The following COG5 variants were observed in gnomAD, a reference collection of about 807,000 sequenced individuals.
COG5 encodes the protein conserved oligomeric Golgi complex subunit 5.
A neutral mutation model predicts 110.4 loss-of-function variants in COG5; 86 were observed. That is an observed-to-expected ratio of 0.78 (90% CI 0.65 to 0.93). The LOEUF (loss-of-function observed/expected upper bound fraction) is 0.93, where lower values mean the gene tolerates loss of function less well. Among genes scored for constraint, COG5 ranks in the 40% least tolerant of loss-of-function variants. COG5 has a pLI of 0.00. For synonymous variants in COG5, 360 were observed against 334.6 expected, an observed-to-expected ratio of 1.08 and a Z score of -0.83; for missense variants, 1,077 against 987.0, an observed-to-expected ratio of 1.09 and a Z score of -1.22.
At chr7:107,340,830 T>C (rs993684068) in intron 10 of COG5, among the ~76,000 whole-genome samples, 2 of 151,856 alleles carry the variant, frequency 1.3e-5, no homozygotes, top group Non-Finnish European at 2.9e-5. Context: ...TGAAATCTAA[T>C]ATCCTTCATA....
intron 10 of COG5, among the ~76,000 whole-genome samples, chr7:107,351,343 A>T (rs1270195512): frequency 6.6e-6 from 1 of 152,218 alleles, no homozygotes; most frequent in African/African-American, 2.4e-5. Flanking sequence ...TTAGACCTAA[A>T]ACCATAAAAA....
intron 8 of COG5, among the ~76,000 whole-genome samples, chr7:107,365,529 A>G (rs1447384242): frequency 7.5e-6 from 1 of 133,936 alleles, no homozygotes; most frequent in African/African-American, 2.7e-5. Flanking sequence ...CTATCTAAGG[A>G]TTCTTTGATT....
In COG5 at chr7:107,463,606, C is replaced by T. The variant is rs1370760760; in HGVS notation, c.539-50974G>A. Among the ~76,000 whole-genome samples the T allele has an allele frequency of 2.6e-5, 4 of 152,204 alleles. No homozygotes were observed. In the East Asian group the frequency reaches 7.7e-4, roughly 29 times the overall value. On this transcript the variant is annotated intron_variant, in intron 6 of 21. Transcript: ENST00000297135. ...ATAGTACACTGAATAGGCCCAGAGG[C>T]TCCATCTACATTTTAGCTTTTTAAA...
intron 17 of COG5, among the ~76,000 whole-genome samples, chr7:107,247,176 T>TA (rs755103815): frequency 1.1e-4 from 17 of 152,064 alleles, no homozygotes; most frequent in Non-Finnish European, 1.8e-4. Context: ...AATGAGAACT[T>TA]ACGAACACAA....
At chr7:107,415,138 G>C (rs959536305) in intron 6 of COG5, among the ~76,000 whole-genome samples, 4 of 152,114 alleles carry the variant, frequency 2.6e-5, no homozygotes, top group African/African-American at 9.7e-5. Flanking sequence ...TCACCACAAT[G>C]TTAGCACTAA....
rs546006858 is a variant in COG5, at chr7:107,299,191, A to G, written c.1109-845T>C. 1.2e-3 allele frequency among the ~76,000 whole-genome samples: 182 copies of G among 152,262 alleles called. 2 individuals carry two copies. The highest frequency in any genetic ancestry group is 4.2e-3 in the African/African-American group (173 of 41,584). On this transcript the variant is annotated intron_variant, in intron 11 of 21. Transcript: ENST00000297135. The stretch of plus-strand genomic sequence containing the variant: ...TAAAATAATAAAGCTCTGAGAACAG[A>G]TATCAATGAACCAGAAAATGAAAAC...
intron 10 of COG5, among the ~76,000 whole-genome samples, chr7:107,333,340 T>C (rs1810433569): frequency 6.6e-6 from 1 of 152,056 alleles, no homozygotes. Context: ...AAGAAAGCTA[T>C]GGAAATTAAA....
At chr7:107,283,800 G>A in intron 12 of COG5, 68 bp from the exon 13 acceptor site, 2 of 1,130,098 alleles carry the variant, frequency 1.8e-6, no homozygotes, top group Non-Finnish European at 2.7e-6. Flanking sequence ...GTATCAGGCT[G>A]TAAATACCTT....
At chr7:107,439,279 GA>G (rs150462914) in intron 6 of COG5, among the ~76,000 whole-genome samples, 44,670 of 147,822 alleles carry the variant, frequency 0.3, 6,763 homozygotes, top group Non-Finnish European at 0.34. Context: ...GCTTATAAAA[GA>G]AAAAAAAAAA....
chr7:107,290,152 T>G (rs918288718), intron 12 of COG5, among the ~76,000 whole-genome samples: 3 of 152,214 alleles, frequency 2.0e-5, no homozygotes, highest in African/African-American at 7.2e-5. Context: ...TTCTTTCACA[T>G]GTAACATGTG....
intron 16 of COG5, 145 bp downstream of exon 16, chr7:107,256,587 A>G (rs1802895200): frequency 3.1e-6 from 2 of 643,604 alleles, no homozygotes; most frequent in East Asian, 2.8e-5. Context: ...CTTGTTATCT[A>G]TTCTCTTTAG....
chr7:107,267,941 G>C lies in COG5; in HGVS notation c.1576-9558C>G, dbSNP rs529431332. ...TGTAATTAAATCTATAATCTTACATGCATTATTACTTTTCGTAGTAAGAAA... is the reference window on the plus strand; with the variant it reads ...TGTAATTAAATCTATAATCTTACATCCATTATTACTTTTCGTAGTAAGAAA... On this transcript the variant is annotated intron_variant, in intron 14 of 21. Coordinates refer to ENST00000297135, the MANE Select transcript of COG5 (RefSeq NM_006348.5). Among the ~76,000 whole-genome samples, 43 of 152,210 alleles carry C rather than the reference G, an allele frequency of 2.8e-4. No individual in the cohort carries two copies. The South Asian group carries it at 6.4e-3, about 23-fold the overall frequency.
intron 17 of COG5, among the ~76,000 whole-genome samples, chr7:107,244,946 T>C (rs1202684901): frequency 6.6e-6 from 1 of 152,154 alleles, no homozygotes; most frequent in African/African-American, 2.4e-5. Context: ...CCAACCCTCA[T>C]TCTATGAGGC....
intron 7 of COG5, among the ~76,000 whole-genome samples, chr7:107,409,230 GAA>G (rs11366303): frequency 0.028 from 2,973 of 104,958 alleles, 38 homozygotes; most frequent in African/African-American, 0.054. Context: ...CAACGTCAAG[GAA>G]AAAAAAAAAA....
chr7:107,492,261 C>A (rs1798019978), intron 6 of COG5, among the ~76,000 whole-genome samples: 1 of 151,070 alleles, frequency 6.6e-6, no homozygotes, highest in African/African-American at 2.4e-5. Flanking sequence ...CTTCAAAAAT[C>A]ATTCTTCTTC....
chr7:107,399,570 C>T (rs932619688), intron 7 of COG5, among the ~76,000 whole-genome samples: 4 of 152,266 alleles, frequency 2.6e-5, no homozygotes, highest in African/African-American at 7.2e-5. Flanking sequence ...CATGATTATA[C>T]GTTTCCTGAG....
intron 19 of COG5, among the ~76,000 whole-genome samples, chr7:107,220,370 A>G (rs1448685790): frequency 2.6e-5 from 4 of 152,176 alleles, no homozygotes; most frequent in African/African-American, 4.8e-5. Flanking sequence ...TCACTTAGCT[A>G]CTTGAAGCAT....
At chr7:107,226,991 G>A (rs897631887) in intron 19 of COG5, among the ~76,000 whole-genome samples, 2 of 152,132 alleles carry the variant, frequency 1.3e-5, no homozygotes, top group African/African-American at 2.4e-5. Context: ...GAGCTAAGAC[G>A]TCATCTGCAG....
At chr7:107,437,366 A>G (rs533361748) in intron 6 of COG5, among the ~76,000 whole-genome samples, 1 of 152,298 alleles carries the variant, frequency 6.6e-6, no homozygotes, top group East Asian at 1.9e-4. Flanking sequence ...CATCATTTTA[A>G]AACAACAAGC....
Sources: gnomAD v4.1 joint callset for allele counts (sites outside exome capture counted in the v4.1 genomes callset) on GRCh38, gnomAD v4.1.1 for gene constraint, MANE v1.5 for transcripts, NCBI Gene and HGNC (gene_info 2026-07-23, HGNC 2026-07-21) for gene names.